MYO9B: variants seen among roughly 807,000 people sequenced by gnomAD.
MYO9B encodes the protein unconventional myosin-IXb.
A neutral mutation model predicts 229.5 loss-of-function variants in MYO9B; 71 were observed. The observed-to-expected ratio is 0.31, with a 90% CI of 0.26 to 0.38. MYO9B has a LOEUF of 0.38. Ranked by LOEUF, MYO9B falls within the 10% of genes least tolerant of loss-of-function variation. MYO9B has a pLI of 1.00. For synonymous variants in MYO9B, 1,185 were observed against 1,235.8 expected (o/e 0.96, Z 0.86); for missense variants, 2,255 against 2,920.5 (o/e 0.77, Z 5.25).
chr19:17,107,136 G>A (rs939910847), intron 2 of MYO9B, among the ~76,000 whole-genome samples: 2 of 152,154 alleles, frequency 1.3e-5, no homozygotes, highest in African/African-American at 4.8e-5. Flanking sequence ...TCAGGAGCTT[G>A]AAGTGGGAGG....
In MYO9B at chr19:17,125,434, C is replaced by T. The variant is rs141405254; in HGVS notation, c.841-19963C>T. On this transcript the variant is annotated intron_variant, in intron 2 of 39. Transcript: ENST00000682292. ...GTTTGTTCTGTATTCTTTCTGTGAC[C>T]TAGTACGTGGTTTCGTGATAACCTA... 2.9e-3 allele frequency among the ~76,000 whole-genome samples: 434 copies of T among 152,160 alleles called. 1 individual carries two copies. The highest frequency in any genetic ancestry group is 9.9e-3 in the African/African-American group (411 of 41,502).
chr19:17,098,971 T>C (rs1600038550), intron 1 of MYO9B, among the ~76,000 whole-genome samples: 1 of 78,662 alleles, frequency 1.3e-5, no homozygotes, highest in East Asian at 4.2e-4. Context: ...GGCGACCCTC[T>C]CTCTTAGGAA....
rs768568760 is a variant in MYO9B, at chr19:17,193,191, G to A, written c.3128+129G>A. 8.9e-7 allele frequency: 1 copy of A among 1,124,578 alleles called. No homozygotes were observed. The highest frequency in any genetic ancestry group is 1.2e-6 in the Non-Finnish European group (1 of 837,156). 69.7% of individuals were successfully genotyped at this position (1,124,578 alleles called of 1,614,324 possible). A position where few individuals can be genotyped will look rare whatever the true frequency, so the allele number is the denominator to read the frequency against. On this transcript the variant is annotated intron_variant, in intron 21 of 39. Transcript: ENST00000682292. The surrounding 1 kb of genome is among the most constrained non-coding windows in gnomAD (Gnocchi z 4.3). ...GATGTCATTCTGGACACAGGGAAAG[G>A]CTGGTGGGAAACCAGATGCCTAGGC... is the stretch of plus-strand genomic sequence containing the variant.
intron 1 of MYO9B, among the ~76,000 whole-genome samples, chr19:17,076,318 G>T (rs1309135826): frequency 6.6e-6 from 1 of 151,988 alleles, no homozygotes; most frequent in Non-Finnish European, 1.5e-5. Context: ...CCGCGCGATT[G>T]AAGGAAGGGT....
At chr19:17,167,271 C>T (rs1038444506) in intron 10 of MYO9B, among the ~76,000 whole-genome samples, 2 of 150,466 alleles carry the variant, frequency 1.3e-5, no homozygotes, top group African/African-American at 4.9e-5. Context: ...GGACTCAAGC[C>T]ATCCTCCAGC....
In MYO9B at chr19:17,194,715, C is replaced by T; in HGVS notation, c.3288C>T (p.His1096=). ...CGGAGCCAGCGGAGGATGGCGGGCA[C>T]CTGGCATCGGAGCCTGAGGTGCAGC... ...QGPEPAEDGG[H]LASEPEVQPS... is the part of the protein sequence containing the mutation. The change falls in exon 22 of 40, where the codon CAC becomes CAT. Residue 1096 remains histidine, a synonymous_variant. Transcript: ENST00000682292. The T allele has an allele frequency of 6.2e-7, 1 of 1,612,848 alleles. No homozygotes were observed. The highest frequency in any genetic ancestry group is 2.2e-5 in the East Asian group (1 of 44,876).
intron 1 of MYO9B, among the ~76,000 whole-genome samples, chr19:17,082,630 G>A (rs1401491308): frequency 6.6e-6 from 1 of 152,134 alleles, no homozygotes; most frequent in Admixed American, 6.6e-5. Flanking sequence ...GCCATGGGGG[G>A]CAAGGGGTAG....
chr19:17,137,752 T>C (rs1407008528), intron 2 of MYO9B, among the ~76,000 whole-genome samples: 3 of 152,108 alleles, frequency 2.0e-5, no homozygotes, highest in Non-Finnish European at 4.4e-5. Context: ...CAGATCCTTT[T>C]TTTTTATTTG....
At chr19:17,185,117 T>G in intron 17 of MYO9B, 130 bp downstream of exon 17, 2 of 1,351,076 alleles carry the variant, frequency 1.5e-6, no homozygotes, top group Non-Finnish European at 2.0e-6. Context: ...GGCTCAAGCC[T>G]GTAATCCCAG....
Position 17,145,535 on chromosome 19 carries a change from G to A in MYO9B, c.935+44G>A, listed in dbSNP as rs114332791. On this transcript the variant is annotated intron_variant, in intron 3 of 39. Transcript: ENST00000682292. ...CCCCACTGGTGGGAGCTGGCCCCAC[G>A]CACTGTTGCTTCCTGACACACACAT... 5.0e-4 allele frequency: 747 copies of A among 1,495,954 alleles called. 2 individuals are homozygous for A. The African/African-American group carries it at 8.9e-3, about 18-fold the overall frequency. The allele number at this position is 1,495,954 out of a possible 1,614,324, so 92.7% of individuals were successfully genotyped here. A position where few individuals can be genotyped will look rare whatever the true frequency, so the allele number is the denominator to read the frequency against.
At chr19:17,097,648 C>A (rs1034124448) in intron 1 of MYO9B, among the ~76,000 whole-genome samples, 1 of 152,142 alleles carries the variant, frequency 6.6e-6, no homozygotes, top group African/African-American at 2.4e-5. Flanking sequence ...ACTCCCTATC[C>A]CTGTGTGAAC....
chr19:17,107,336 A>G (rs2057802201), intron 2 of MYO9B, among the ~76,000 whole-genome samples: 1 of 152,168 alleles, frequency 6.6e-6, no homozygotes, highest in African/African-American at 2.4e-5. Flanking sequence ...AGGTGGGTAA[A>G]TGCCTGAGCC....
At chr19:17,138,143 A>C (rs2072294151) in intron 2 of MYO9B, among the ~76,000 whole-genome samples, 1 of 152,026 alleles carries the variant, frequency 6.6e-6, no homozygotes, top group Non-Finnish European at 1.5e-5. Context: ...GAGTGAGAAC[A>C]TGTGGTGTTT....
At chr19:17,131,371 C>A (rs976675235) in intron 2 of MYO9B, among the ~76,000 whole-genome samples, 1 of 152,264 alleles carries the variant, frequency 6.6e-6, no homozygotes, top group African/African-American at 2.4e-5. Flanking sequence ...CGCATTCAAG[C>A]GATTCTTCTG....
At chr19:17,197,152 C>T (rs2073051689) in intron 22 of MYO9B, among the ~76,000 whole-genome samples, 1 of 151,682 alleles carries the variant, frequency 6.6e-6, no homozygotes, top group African/African-American at 2.4e-5. Flanking sequence ...TGGCGCATGC[C>T]TCTAATCCCA....
chr19:17,153,766 T>C (rs949223181), intron 4 of MYO9B, among the ~76,000 whole-genome samples: 2 of 151,870 alleles, frequency 1.3e-5, no homozygotes, highest in Non-Finnish European at 2.9e-5. Flanking sequence ...CCCACCCACC[T>C]CCAATCCTCC....
At chr19:17,188,129 G>A in intron 19 of MYO9B, 84 bp downstream of exon 19, 1 of 1,287,682 alleles carries the variant, frequency 7.8e-7, no homozygotes. Flanking sequence ...CCTTGCTGGA[G>A]TGTAAACTCA....
chr19:17,171,991 A>C (rs1599389537), intron 11 of MYO9B, among the ~76,000 whole-genome samples: 1 of 151,970 alleles, frequency 6.6e-6, no homozygotes, highest in African/African-American at 2.4e-5. Flanking sequence ...GCGTCACTTC[A>C]CCCTCAGCCT....
In MYO9B at chr19:17,191,368, C is replaced by T. The variant is rs910018394; in HGVS notation, c.2811+149C>T. 6.2e-6 allele frequency: 7 copies of T among 1,122,374 alleles called. No homozygotes were observed. The African/African-American group carries it at 6.4e-5, about 10-fold the overall frequency. 69.5% of individuals were successfully genotyped at this position (1,122,374 alleles called of 1,614,324 possible). A position where few individuals can be genotyped will look rare whatever the true frequency, so the allele number is the denominator to read the frequency against. On this transcript the variant is annotated intron_variant, in intron 20 of 39. Coordinates refer to ENST00000682292, the MANE Select transcript of MYO9B (RefSeq NM_004145.4). ...TCTCGGGACCCAGCAGAGCACTGCA[C>T]CTAAGGGATAGGGGCCGCCCTGGCT...
Sources: allele counts gnomAD v4.1 joint callset (sites outside exome capture counted in the v4.1 genomes callset), GRCh38; gene constraint gnomAD v4.1.1; non-coding constraint Gnocchi (gnomAD v3.1); transcripts MANE v1.5; gene names NCBI Gene and HGNC (gene_info 2026-07-23, HGNC 2026-07-21).